Variants in TLR1 observed in about 807,000 individuals in gnomAD.
TLR1 encodes the protein toll like receptor 1.
TLR1 carries 19 observed loss-of-function variants against 20.2 expected under a neutral mutation model. The ratio of observed to expected loss-of-function variants is 0.94; its 90% CI spans 0.66 to 1.38. The LOEUF (loss-of-function observed/expected upper bound fraction) is 1.38, where lower values mean the gene tolerates loss of function less well. Among genes scored for constraint, TLR1 ranks in the 40% most tolerant of loss-of-function variants. The pLI is 0.00. For missense variants in TLR1, 921 were observed against 910.0 expected, an observed-to-expected ratio of 1.01 and a Z score of -0.16; for synonymous variants, 320 against 334.5, an observed-to-expected ratio of 0.96 and a Z score of 0.47.
upstream of TLR1, chr4:38,805,316 T>C (rs997596144): frequency 6.6e-6 from 1 of 152,236 alleles, no homozygotes; most frequent in Admixed American, 6.5e-5. Flanking sequence ...TTTTGACAAG[T>C]TGATTTTCAG....
downstream of TLR1, among the ~76,000 whole-genome samples, chr4:38,789,990 A>G (rs1725679967): frequency 6.6e-6 from 1 of 152,168 alleles, no homozygotes; most frequent in African/African-American, 2.4e-5. Flanking sequence ...CAATGCTTCT[A>G]TGATAATTTT....
rs78904026 is a variant in TLR1, at chr4:38,799,020, T to C, written c.-67-122A>G. The C allele has an allele frequency of 2.5e-3, 1,293 of 512,952 alleles. 16 individuals carry two copies. Among genetic ancestry groups the C allele is most frequent in the African/African-American group, 0.023 (1,165 of 51,122 alleles). The allele number at this position is 512,952 out of a possible 1,614,324, so 31.8% of individuals were successfully genotyped here. On this transcript the variant is annotated intron_variant, in intron 3 of 3. Coordinates refer to ENST00000308979, the MANE Select transcript of TLR1 (RefSeq NM_003263.4). Reference sequence around the variant, plus strand: ...ACTTATAAAGTGGAGGCTACATTCTTTTGGGTTACATGGCCTAAAACTAGA... The same window carrying C: ...ACTTATAAAGTGGAGGCTACATTCTCTTGGGTTACATGGCCTAAAACTAGA...
At chr4:38,801,678 C>T (rs567928746) in intron 2 of TLR1, among the ~76,000 whole-genome samples, 27 of 152,274 alleles carry the variant, frequency 1.8e-4, no homozygotes, top group African/African-American at 5.5e-4. Context: ...CACAGGACCC[C>T]GTGCATGAGT....
intron 2 of TLR1, among the ~76,000 whole-genome samples, chr4:38,803,203 G>C (rs1363935071): frequency 6.6e-6 from 1 of 152,196 alleles, no homozygotes; most frequent in Non-Finnish European, 1.5e-5. Context: ...CCTTTCACCT[G>C]CCTACGGCCC....
downstream of TLR1, among the ~76,000 whole-genome samples, chr4:38,791,968 C>T (rs540933182): frequency 1.5e-4 from 23 of 152,340 alleles, no homozygotes; most frequent in African/African-American, 5.5e-4. Flanking sequence ...CTCTTCCCCA[C>T]TGTGTCTGCC....
chr4:38,796,334 C>T lies in TLR1; in HGVS notation c.*137G>A. ...CCACATATAAATGGTGAACTGCGAC[C>T]CGAAGGTATATATTTTTACCTACAT... On this transcript the variant is annotated 3_prime_UTR_variant, in exon 4 of 4. Transcript: ENST00000308979. The T allele has an allele frequency of 1.1e-6, 1 of 922,788 alleles. No individual in the cohort carries two copies. Among genetic ancestry groups the T allele is most frequent in the South Asian group, 1.9e-5 (1 of 53,244 alleles). 57.2% of individuals were successfully genotyped at this position (922,788 alleles called of 1,614,324 possible). A position where few individuals can be genotyped will look rare whatever the true frequency, so the allele number is the denominator to read the frequency against.
chr4:38,792,853 T>TTATATATATATATATA (rs72518392), downstream of TLR1, among the ~76,000 whole-genome samples: 413 of 122,174 alleles, frequency 3.4e-3, 10 homozygotes, highest in African/African-American at 9.9e-3. Flanking sequence ...TATTTTCAAA[T>TTATATATATATATATA]TATATATATA....
In TLR1 at chr4:38,796,514, C is replaced by G. The variant is rs1726064011; in HGVS notation, c.2318G>C (p.Arg773Thr). Reference protein sequence around the residue: ...SKRGLFWANLRAAINIKLTEQ... With the variant: ...SKRGLFWANLTAAINIKLTEQ... The stretch of plus-strand genomic sequence containing the variant: ...TGTCAGCTTAATATTAATGGCTGCC[C>G]TTAAGTTAGCCCAAAAAAGGCCACG... Residue 773 changes from arginine to threonine, a missense_variant, in exon 4 of 4, where the codon AGG becomes ACG. Arg to Thr is a moderately conservative substitution (Grantham distance 71). Transcript: ENST00000308979. The G allele has an allele frequency of 6.2e-7, 1 of 1,613,748 alleles. No individual in the cohort carries two copies. The highest frequency in any genetic ancestry group is 2.2e-5 in the East Asian group (1 of 44,872).
chr4:38,798,549 AT>A lies in TLR1; in HGVS notation c.282del (p.Glu94AspfsTer13). Reference protein sequence around the residue: ...LDISVFKFNQELEYLDLSHNK... With the variant: ...LDISVFKFNQXLEYLDLSHNK... ...TTGTGGGACAAATCCAAGTATTCCA[AT>A]TCCTGGTTGAATTTGAAAACACTGA... On this transcript the variant is annotated frameshift_variant, in exon 4 of 4. Coordinates refer to ENST00000308979, the MANE Select transcript of TLR1 (RefSeq NM_003263.4). LOFTEE classifies it low-confidence loss of function (END_TRUNC). 2.5e-6 allele frequency: 4 copies of A among 1,614,160 alleles called. No homozygotes were observed. The highest frequency in any genetic ancestry group is 3.4e-6 in the Non-Finnish European group (4 of 1,180,018).
At position 38,796,554 on chromosome 4, in the gene TLR1, T is replaced by C. The variant is rs1726069177; in HGVS notation, c.2278A>G (p.Lys760Glu). 1 of 1,614,080 alleles carries C rather than the reference T, an allele frequency of 6.2e-7. No individual in the cohort carries two copies. Among genetic ancestry groups the C allele is most frequent in the Non-Finnish European group, 8.5e-7 (1 of 1,180,044 alleles). The change falls in exon 4 of 4, where the codon AAG becomes GAG. Residue 760 changes from lysine (K) to glutamate (E), a missense_variant. Physicochemically the swap from Lys to Glu is moderately conservative, Grantham distance 56. Coordinates refer to ENST00000308979, the MANE Select transcript of TLR1 (RefSeq NM_003263.4). ...AAAAGGCCACGTTTGCTCTTTTCCT[T>C]GGGCCATTCCAAATAAGTCCTCCTG... ...MARRTYLEWP[K>E]EKSKRGLFWA... is the part of the protein sequence containing the mutation.
downstream of TLR1, among the ~76,000 whole-genome samples, chr4:38,793,066 G>C (rs1330477794): frequency 6.6e-6 from 1 of 151,902 alleles, no homozygotes; most frequent in Non-Finnish European, 1.5e-5. Context: ...GCCAATAAAG[G>C]GGATTGGAGA....
rs1198967309 is a variant in TLR1, at chr4:38,796,335, C to A, written c.*136G>T. 6.4e-6 allele frequency: 6 copies of A among 939,914 alleles called. No homozygotes were observed. Among genetic ancestry groups the A allele is most frequent in the Non-Finnish European group, 9.3e-6 (6 of 642,862 alleles). 58.2% of individuals were successfully genotyped at this position (939,914 alleles called of 1,614,324 possible). A position where few individuals can be genotyped will look rare whatever the true frequency, so the allele number is the denominator to read the frequency against. ...CACATATAAATGGTGAACTGCGACC[C>A]GAAGGTATATATTTTTACCTACATC... On this transcript the variant is annotated 3_prime_UTR_variant, in exon 4 of 4. Coordinates refer to ENST00000308979, the MANE Select transcript of TLR1 (RefSeq NM_003263.4).
chr4:38,801,852 C>T (rs562565804), intron 2 of TLR1, among the ~76,000 whole-genome samples: 13 of 152,178 alleles, frequency 8.5e-5, no homozygotes, highest in Non-Finnish European at 1.5e-4. Flanking sequence ...AGAGGGGCCC[C>T]CCAACCAGGA....
At chr4:38,803,108 G>A (rs549334992) in intron 2 of TLR1, among the ~76,000 whole-genome samples, 3 of 152,334 alleles carry the variant, frequency 2.0e-5, no homozygotes, top group East Asian at 1.9e-4. Flanking sequence ...GGAAGCTGCC[G>A]AACTAAGCAG....
intron 2 of TLR1, among the ~76,000 whole-genome samples, chr4:38,803,737 A>G (rs751374900): frequency 2.0e-5 from 3 of 152,226 alleles, no homozygotes; most frequent in Non-Finnish European, 4.4e-5. Context: ...ACTGAGCCTC[A>G]TCTATTTTAG....
chr4:38,787,599 T>A (rs370644032), downstream of TLR1, among the ~76,000 whole-genome samples: 8 of 152,274 alleles, frequency 5.3e-5, no homozygotes, highest in East Asian at 1.5e-3. Flanking sequence ...TAATATATTT[T>A]ATATAATTCA....
downstream of TLR1, among the ~76,000 whole-genome samples, chr4:38,792,853 T>TTTTATATATATATATATATATA (rs150259151): frequency 5.5e-4 from 67 of 122,244 alleles, 1 homozygote; most frequent in African/African-American, 1.8e-3. Flanking sequence ...TATTTTCAAA[T>TTTTATATATATATATATATATA]TATATATATA....
chr4:38,797,945 C>A lies in TLR1; in HGVS notation c.887G>T (p.Gly296Val). 6.2e-7 allele frequency: 1 copy of A among 1,614,132 alleles called. No homozygotes were observed. The highest frequency in any genetic ancestry group is 1.3e-5 in the African/African-American group (1 of 75,046). Residue 296 changes from glycine (G) to valine (V), a missense_variant, in exon 4 of 4, where the codon GGC (glycine) becomes GTC (valine). Gly to Val is a moderately radical substitution (Grantham distance 109). Coordinates refer to ENST00000308979, the MANE Select transcript of TLR1 (RefSeq NM_003263.4). ...TATAGACAAGGCCTTCAAGGAAGTG[C>A]CAGAATAATCAAAATCTCTGAAGTC... ...QLDFRDFDYS[G>V]TSLKALSIHQ...
chr4:38,800,061 T>C (rs1226238323), intron 3 of TLR1, among the ~76,000 whole-genome samples: 16 of 151,906 alleles, frequency 1.1e-4, no homozygotes, highest in Admixed American at 1.0e-3. Context: ...TATTTTTGAG[T>C]GATTAGTTAG....
Sources: allele counts gnomAD v4.1 joint callset (sites outside exome capture counted in the v4.1 genomes callset), GRCh38; gene constraint gnomAD v4.1.1; transcripts MANE v1.5; gene names NCBI Gene and HGNC (gene_info 2026-07-23, HGNC 2026-07-21).